HUWE1: variants seen among roughly 807,000 people sequenced by gnomAD.
HUWE1 encodes HECT, UBA and WWE domain containing E3 ubiquitin protein ligase 1, also known as E3 ubiquitin-protein ligase HUWE1.
A neutral mutation model predicts 299.4 loss-of-function variants in HUWE1; 18 were observed. That is an observed-to-expected ratio of 0.06 (90% confidence interval 0.04 to 0.09). HUWE1 has a LOEUF of 0.09. HUWE1 is among the 10% of genes least tolerant of loss of function. The pLI, the probability that HUWE1 is intolerant of heterozygous loss-of-function variation, is 1.00. For synonymous variants in HUWE1, 1,317 were observed against 1,286.1 expected (o/e 1.02, Z -0.51); for missense variants, 1,832 against 3,462.3 (o/e 0.53, Z 11.82).
chrX:53,550,122 G>C (rs782643287), intron 66 of HUWE1, among the ~76,000 whole-genome samples: 12 of 111,102 alleles, frequency 1.1e-4, no homozygotes, highest in African/African-American at 1.6e-4. Flanking sequence ...TACATCACAC[G>C]GCGACTGAGA....
At chrX:53,661,073 C>T (rs929928280) in intron 3 of HUWE1, among the ~76,000 whole-genome samples, 6 of 99,736 alleles carry the variant, frequency 6.0e-5, no homozygotes, top group Admixed American at 3.3e-4. Flanking sequence ...CTTGCTCTGT[C>T]GCCCAGGCTG....
intron 19 of HUWE1, among the ~76,000 whole-genome samples, chrX:53,622,887 A>G (rs1191960980): frequency 8.9e-6 from 1 of 112,191 alleles, no homozygotes; most frequent in East Asian, 2.8e-4. Flanking sequence ...GCTCTGTACT[A>G]TCATTTGGGG....
intron 61 of HUWE1, among the ~76,000 whole-genome samples, chrX:53,553,927 T>C (rs1168369500): frequency 9.0e-6 from 1 of 111,693 alleles, no homozygotes; most frequent in African/African-American, 3.3e-5. Flanking sequence ...AGAGCAGGGA[T>C]GGCAAGCAGG....
intron 3 of HUWE1, among the ~76,000 whole-genome samples, chrX:53,677,688 A>ACC (rs2069902273): frequency 9.0e-6 from 1 of 110,707 alleles, no homozygotes; most frequent in African/African-American, 3.3e-5. Context: ...CAAATAATGT[A>ACC]CCCAAAGTAA....
intron 67 of HUWE1, among the ~76,000 whole-genome samples, chrX:53,548,579 C>T (rs1556925451): frequency 8.9e-6 from 1 of 112,721 alleles, no homozygotes; most frequent in Non-Finnish European, 1.9e-5. Flanking sequence ...GTATTTTGCA[C>T]AGTGCCTGGC....
intron 6 of HUWE1, among the ~76,000 whole-genome samples, chrX:53,646,304 C>T (rs1359116488): frequency 2.7e-5 from 3 of 109,876 alleles, no homozygotes; most frequent in South Asian, 7.9e-4. Flanking sequence ...ACTACAGGCA[C>T]GCACCACCAC....
chrX:53,584,298 G>A lies in HUWE1; in HGVS notation c.5049C>T (p.Leu1683=). 3 of 1,207,218 alleles carry A rather than the reference G, an allele frequency of 2.5e-6. No homozygotes were observed. The highest frequency in any genetic ancestry group is 3.4e-6 in the Non-Finnish European group (3 of 891,707). Residue 1683 remains leucine (L), a synonymous_variant, in exon 41 of 84, where the codon CTC becomes CTT. Transcript: ENST00000262854. ...GNRRPVMLTL[L]RVPRLNKNSK... is the part of the protein sequence containing the mutation. The stretch of plus-strand genomic sequence containing the variant: ...AATTTTTATTCAGCCGAGGTACCCT[G>A]AGGAGAGTCAGCATCACAGGGCGTC...
Position 53,595,236 on chromosome X carries a change from T to G in HUWE1, c.3331A>C (p.Lys1111Gln). 1.7e-6 allele frequency: 2 copies of G among 1,211,469 alleles called. No individual in the cohort carries two copies. The highest frequency in any genetic ancestry group is 2.2e-6 in the Non-Finnish European group (2 of 895,461). ...GGTGGGGGCTGCCAAGATAACCCCTTAGTCAAGAGCTTAGTGAGAGCTGAG... is the reference window on the plus strand; with the variant it reads ...GGTGGGGGCTGCCAAGATAACCCCTGAGTCAAGAGCTTAGTGAGAGCTGAG... ...TASALTKLLTKGLSWQPPPYT... is the reference protein window; with the variant it reads ...TASALTKLLTQGLSWQPPPYT... The change falls in exon 30 of 84, where the codon AAG becomes CAG. Residue 1111 changes from lysine to glutamine, a missense_variant. Lys to Gln is a moderately conservative substitution (Grantham distance 53, BLOSUM62 1). Around this residue, in one of 15 missense-constraint regions of HUWE1, gnomAD observed 658 missense variants for 1,282.6 expected, o/e 0.51. Coordinates refer to ENST00000262854, the MANE Select transcript of HUWE1 (RefSeq NM_031407.7).
Position 53,593,613 on chromosome X carries a change from T to C in HUWE1, c.3504-12A>G. 8.8e-7 allele frequency: 1 copy of C among 1,140,386 alleles called. No individual in the cohort carries two copies. Among genetic ancestry groups the C allele is most frequent in the Non-Finnish European group, 1.2e-6 (1 of 830,732 alleles). The allele number at this position is 1,140,386 out of a possible 1,213,427, so 94.0% of individuals were successfully genotyped here. A position where few individuals can be genotyped will look rare whatever the true frequency, so the allele number is the denominator to read the frequency against. On this transcript the variant is annotated splice_polypyrimidine_tract_variant and intron_variant, in intron 31 of 83. Transcript: ENST00000262854. The stretch of plus-strand genomic sequence containing the variant: ...CCCAGTTGAAAGTTCTAAATTCAAA[T>C]AAGGAAAAGTAGACAGAATATTAGT...
intron 8 of HUWE1, among the ~76,000 whole-genome samples, chrX:53,633,722 A>G (rs2067022015): frequency 1.8e-5 from 2 of 112,603 alleles, no homozygotes; most frequent in South Asian, 3.6e-4. Context: ...CCACAGCAAC[A>G]TATCAAAGCA....
chrX:53,569,693 C>T lies in HUWE1; in HGVS notation c.6447G>A (p.Gln2149=), dbSNP rs1159443354. The change falls in exon 48 of 84, where the codon CAG becomes CAA. Residue 2149 remains glutamine (Q), a synonymous_variant. Transcript: ENST00000262854. ...CTTTTACTTCATTCACTAGGGCCAC[C>T]TGGGCATCTGTGCCACTCCCTGCAG... ...LAAAGSGTDA[Q]VALVNEVKAA... 1.2e-5 allele frequency: 14 copies of T among 1,210,675 alleles called. No individual in the cohort carries two copies.
chrX:53,617,514 A>C, intron 19 of HUWE1, 68 bp from the exon 20 acceptor site: 1 of 653,788 alleles, frequency 1.5e-6, no homozygotes, highest in Non-Finnish European at 2.5e-6. Context: ...AAAACACCAA[A>C]AGCTTAAAAA....
chrX:53,589,952 AGGAT>A, intron 35 of HUWE1, 136 bp from the exon 36 acceptor site: 1 of 678,902 alleles, frequency 1.5e-6, no homozygotes, highest in Non-Finnish European at 2.2e-6. Context: ...ACTTTCATCC[AGGAT>A]GTGGCAGCCA....
chrX:53,610,039 G>T (rs1401274302), intron 23 of HUWE1, among the ~76,000 whole-genome samples: 1 of 111,608 alleles, frequency 9.0e-6, no homozygotes, highest in Admixed American at 9.5e-5. Context: ...TAGAAAGGGA[G>T]TATACCTATA....
chrX:53,564,535 C>T (rs782261106), intron 51 of HUWE1, 39 bp downstream of exon 51: 12 of 1,201,281 alleles, frequency 1.0e-5, no homozygotes, highest in Middle Eastern at 2.3e-4. Context: ...TTTGGTTCAG[C>T]GCCGCAACAG....
At chrX:53,536,083 G>C (rs1556912623) in intron 80 of HUWE1, 64 bp downstream of exon 80, 17 of 723,384 alleles carry the variant, frequency 2.4e-5, no homozygotes, top group Non-Finnish European at 3.3e-5. Flanking sequence ...TAGTTCTAAG[G>C]TGAACCTGGA....
chrX:53,603,337 AAAGT>A (rs781888286), intron 27 of HUWE1, 27 bp downstream of exon 27: 1 of 1,199,551 alleles, frequency 8.3e-7, no homozygotes, highest in Non-Finnish European at 1.1e-6. Context: ...CTTAGATAAC[AAAGT>A]AATAAGAGAG....
chrX:53,590,394 C>A lies in HUWE1; in HGVS notation c.4191+10G>T, dbSNP rs781951364. 2.7e-6 allele frequency: 3 copies of A among 1,127,595 alleles called. No individual in the cohort carries two copies. In the East Asian group the frequency reaches 9.0e-5, roughly 34 times the overall value. The allele number at this position is 1,127,595 out of a possible 1,213,427, so 92.9% of individuals were successfully genotyped here. On this transcript the variant is annotated intron_variant, in intron 35 of 83. Coordinates refer to ENST00000262854, the MANE Select transcript of HUWE1 (RefSeq NM_031407.7). The stretch of plus-strand genomic sequence containing the variant: ...GCCAAGCCCTTTAGGATGCAGTGTT[C>A]CATAGTTACCTCAGGTGACTCTGCC...
chrX:53,624,639 A>G lies in HUWE1; in HGVS notation c.1628T>C (p.Ile543Thr). The G allele has an allele frequency of 8.3e-7, 1 of 1,206,133 alleles. No homozygotes were observed. The highest frequency in any genetic ancestry group is 1.1e-6 in the Non-Finnish European group (1 of 890,221). Residue 543 changes from isoleucine (I) to threonine (T), a missense_variant, in exon 19 of 84, where the codon ATC becomes ACC. Physicochemically the swap from Ile to Thr is moderately conservative, Grantham distance 89. Coordinates refer to ENST00000262854, the MANE Select transcript of HUWE1 (RefSeq NM_031407.7). ...DGSLPTSLKHIISNAEYYGPS... is the reference protein window; with the variant it reads ...DGSLPTSLKHTISNAEYYGPS... ...GCCATAGTATTCTGCATTGCTGATG[A>G]TGTGTTTCAGGGAGGTAGGCAGAGA... is the stretch of plus-strand genomic sequence containing the variant.
Sources: allele counts gnomAD v4.1 joint callset (sites outside exome capture counted in the v4.1 genomes callset), GRCh38; gene constraint gnomAD v4.1.1; regional missense constraint gnomAD v4.1.1; transcripts MANE v1.5; gene names NCBI Gene and HGNC (gene_info 2026-07-23, HGNC 2026-07-21).